The following CPHXL2 variants were observed in gnomAD, a reference collection of about 807,000 sequenced individuals.
CPHXL2 encodes cytoplasmic polyadenylated homeobox like 2, also known as cytoplasmic polyadenylated homeobox-like protein 2.
the CPHXL2 span, among the ~76,000 whole-genome samples, chr16:75,663,493 G>A: frequency 4.6e-5 from 7 of 152,106 alleles, no homozygotes; most frequent in Non-Finnish European, 8.8e-5. Flanking sequence ...TGAAAAACTA[G>A]TTCAGACCTT....
At chr16:75,660,257 G>A in the CPHXL2 span, 2 of 398,208 alleles carry the variant, frequency 5.0e-6, no homozygotes, top group Admixed American at 4.4e-5. Context: ...GTGATACTTA[G>A]CAATACTTTG....
the CPHXL2 span, among the ~76,000 whole-genome samples, chr16:75,666,025 G>A: frequency 6.6e-6 from 1 of 152,300 alleles, no homozygotes; most frequent in Admixed American, 6.5e-5. Context: ...CATATCTGCT[G>A]CCTTCAAGAG....
the CPHXL2 span, among the ~76,000 whole-genome samples, chr16:75,672,922 A>G: frequency 6.6e-6 from 1 of 152,002 alleles, no homozygotes; most frequent in Non-Finnish European, 1.5e-5. Context: ...ACAAAAAAGC[A>G]AAAAACAAAT....
the CPHXL2 span, among the ~76,000 whole-genome samples, chr16:75,672,864 G>T: frequency 6.6e-6 from 1 of 151,840 alleles, no homozygotes; most frequent in Non-Finnish European, 1.5e-5. Context: ...ACCAGCCTGG[G>T]CAACAAAATG....
chr16:75,670,695 C>T, the CPHXL2 span, among the ~76,000 whole-genome samples: 1 of 152,094 alleles, frequency 6.6e-6, no homozygotes, highest in Non-Finnish European at 1.5e-5. Context: ...GAGGTTTCCC[C>T]ATGTTGGCCA....
At chr16:75,674,390 A>AAAAAAAAAC in the CPHXL2 span, among the ~76,000 whole-genome samples, 1 of 151,364 alleles carries the variant, frequency 6.6e-6, no homozygotes, top group African/African-American at 2.4e-5. Flanking sequence ...AAAAAAAAAA[A>AAAAAAAAAC]AAAAGAAGTG....
At chr16:75,675,626 G>T in the CPHXL2 span, among the ~76,000 whole-genome samples, 1 of 152,110 alleles carries the variant, frequency 6.6e-6, no homozygotes, top group Non-Finnish European at 1.5e-5. Flanking sequence ...CCAAGTTCTG[G>T]GGCTACTCCC....
the CPHXL2 span, among the ~76,000 whole-genome samples, chr16:75,674,139 C>T: frequency 1.3e-5 from 2 of 149,744 alleles, no homozygotes; most frequent in Admixed American, 6.7e-5. Context: ...TTTGGGAGGC[C>T]AAGGGGGGTG....
the CPHXL2 span, chr16:75,669,271 G>A: frequency 2.0e-5 from 8 of 394,844 alleles, no homozygotes; most frequent in African/African-American, 1.0e-4. Flanking sequence ...AGCCGTGATC[G>A]CTCCATTGCA....
chr16:75,662,306 CTTTT>C, the CPHXL2 span, among the ~76,000 whole-genome samples: 4 of 142,138 alleles, frequency 2.8e-5, no homozygotes, highest in Non-Finnish European at 6.2e-5. Flanking sequence ...CCCAAACCCA[CTTTT>C]TTTTTTTCCC....
the CPHXL2 span, among the ~76,000 whole-genome samples, chr16:75,672,750 A>G: frequency 6.6e-6 from 1 of 152,130 alleles, no homozygotes; most frequent in African/African-American, 2.4e-5. Flanking sequence ...TTGGCCACCC[A>G]AAGTGTTGGG....
chr16:75,671,159 G>A, the CPHXL2 span, among the ~76,000 whole-genome samples: 2 of 152,184 alleles, frequency 1.3e-5, no homozygotes, highest in African/African-American at 4.8e-5. Context: ...GAAGCCAGCA[G>A]ATAACTTGAG....
chr16:75,671,899 A>G, the CPHXL2 span, among the ~76,000 whole-genome samples: 1 of 152,184 alleles, frequency 6.6e-6, no homozygotes, highest in South Asian at 2.1e-4. Flanking sequence ...CCATGTAAGG[A>G]TGGCTTTTGC....
chr16:75,662,965 A>AT, the CPHXL2 span, among the ~76,000 whole-genome samples: 13 of 151,716 alleles, frequency 8.6e-5, no homozygotes, highest in African/African-American at 2.9e-4. Context: ...AGCCCGGCTA[A>AT]TTTTTTTTGT....
At chr16:75,666,315 C>T in the CPHXL2 span, among the ~76,000 whole-genome samples, 5 of 152,068 alleles carry the variant, frequency 3.3e-5, no homozygotes, top group African/African-American at 1.2e-4. Context: ...ATGGGATAGA[C>T]AGCAATACAA....
At chr16:75,669,244 A>C in the CPHXL2 span, 1 of 394,568 alleles carries the variant, frequency 2.5e-6, no homozygotes, top group Non-Finnish European at 4.5e-6. Context: ...TGAGCCCAGG[A>C]AGTTGAGGCT....
the CPHXL2 span, among the ~76,000 whole-genome samples, chr16:75,667,883 C>G: frequency 6.6e-6 from 1 of 152,220 alleles, no homozygotes; most frequent in Non-Finnish European, 1.5e-5. Flanking sequence ...TTCCTATCTT[C>G]CATAGACTTA....
the CPHXL2 span, among the ~76,000 whole-genome samples, chr16:75,671,357 G>C: frequency 1.2e-5 from 1 of 85,032 alleles, no homozygotes; most frequent in Admixed American, 1.3e-4. Context: ...GTAAGACTCT[G>C]TATCAAAAAA....
chr16:75,662,102 T>C, the CPHXL2 span, among the ~76,000 whole-genome samples: 10 of 152,216 alleles, frequency 6.6e-5, no homozygotes, highest in Non-Finnish European at 1.5e-4. Context: ...GGGGCTCCTG[T>C]GACCTCCTTT....
Sources: allele counts gnomAD v4.1 joint callset (sites outside exome capture counted in the v4.1 genomes callset), GRCh38; gene constraint gnomAD v4.1.1; transcripts MANE v1.5; gene names NCBI Gene and HGNC (gene_info 2026-07-23, HGNC 2026-07-21).